Variants in PIK3AP1 observed in about 807,000 individuals in gnomAD.
PIK3AP1 encodes phosphoinositide-3-kinase adaptor protein 1.
PIK3AP1 carries 21 observed loss-of-function variants against 88.1 expected under a neutral mutation model. That is an observed-to-expected ratio of 0.24 (90% confidence interval 0.17 to 0.34). PIK3AP1 has a LOEUF of 0.34. PIK3AP1 is among the 10% of genes least tolerant of loss of function. The pLI, the probability that PIK3AP1 is intolerant of heterozygous loss-of-function variation, is 1.00. For synonymous variants in PIK3AP1, 398 were observed against 400.0 expected (o/e 1.00, Z 0.06); for missense variants, 828 against 1,035.7 (o/e 0.80, Z 2.75).
chr10:96,625,262 G>C (rs1564959763), intron 10 of PIK3AP1, among the ~76,000 whole-genome samples: 1 of 152,182 alleles, frequency 6.6e-6, no homozygotes, highest in Non-Finnish European at 1.5e-5. Flanking sequence ...TCCTATAAGA[G>C]GGCAGAGAAG....
intron 7 of PIK3AP1, among the ~76,000 whole-genome samples, chr10:96,646,590 G>A (rs1271043285): frequency 4.6e-5 from 7 of 152,142 alleles, no homozygotes; most frequent in Non-Finnish European, 7.3e-5. Flanking sequence ...CGCCCTGTGT[G>A]TAGTCAGAGG....
At chr10:96,696,471 A>G (rs1844223152) in intron 2 of PIK3AP1, among the ~76,000 whole-genome samples, 1 of 152,190 alleles carries the variant, frequency 6.6e-6, no homozygotes, top group African/African-American at 2.4e-5. Context: ...TAAGGCATTA[A>G]ATCATCCTCT....
chr10:96,610,575 T>TA (rs1849089913), intron 13 of PIK3AP1, among the ~76,000 whole-genome samples: 2 of 152,034 alleles, frequency 1.3e-5, no homozygotes, highest in Admixed American at 1.3e-4. Flanking sequence ...ACACACACAG[T>TA]AATGACCCCG....
chr10:96,609,683 A>T lies in PIK3AP1; in HGVS notation c.2170+29T>A, dbSNP rs1355174675. 2.5e-6 allele frequency: 4 copies of T among 1,605,136 alleles called. No individual in the cohort carries two copies. The South Asian group carries it at 3.3e-5, about 13-fold the overall frequency. On this transcript the variant is annotated intron_variant, in intron 14 of 16. Transcript: ENST00000339364. ...TGCCAGCTGGAGCCCAGTCAAGAAG[A>T]CCCCACCCCCGCACCCCCAGCTGCT...
chr10:96,667,743 C>T (rs962336529), intron 2 of PIK3AP1, among the ~76,000 whole-genome samples: 1 of 151,884 alleles, frequency 6.6e-6, no homozygotes, highest in Non-Finnish European at 1.5e-5. Context: ...AACACTGAAC[C>T]ACACATTAAG....
chr10:96,645,038 C>T (rs1160417079), intron 8 of PIK3AP1, among the ~76,000 whole-genome samples: 1 of 152,072 alleles, frequency 6.6e-6, no homozygotes, highest in Non-Finnish European at 1.5e-5. Flanking sequence ...TGAGTATGTC[C>T]TCTTCTTTAA....
intron 2 of PIK3AP1, among the ~76,000 whole-genome samples, chr10:96,702,966 T>A (rs1844318674): frequency 1.3e-5 from 2 of 152,076 alleles, no homozygotes; most frequent in Non-Finnish European, 2.9e-5. Flanking sequence ...AGCCTCAACT[T>A]CCAGGGCTCG....
intron 2 of PIK3AP1, among the ~76,000 whole-genome samples, chr10:96,692,699 G>A (rs1449967531): frequency 1.3e-5 from 2 of 152,154 alleles, no homozygotes; most frequent in Non-Finnish European, 2.9e-5. Flanking sequence ...AGTCCTTGTG[G>A]GGTTTTAGAA....
intron 8 of PIK3AP1, among the ~76,000 whole-genome samples, chr10:96,639,041 T>C (rs114471656): frequency 1.3e-5 from 2 of 152,338 alleles, no homozygotes; most frequent in African/African-American, 4.8e-5. Context: ...AATCTGGGCA[T>C]TTCTCAAGCC....
intron 15 of PIK3AP1, among the ~76,000 whole-genome samples, chr10:96,603,096 A>T (rs2902003): frequency 2.0e-5 from 3 of 151,756 alleles, no homozygotes; most frequent in Non-Finnish European, 4.4e-5. Flanking sequence ...ATGCCCCTTA[A>T]GGTTTCACTA....
rs1157883146 is a variant in PIK3AP1, at chr10:96,656,779, G to A, written c.567+19C>T. 1.9e-6 allele frequency: 3 copies of A among 1,612,422 alleles called. No homozygotes were observed. The highest frequency in any genetic ancestry group is 3.3e-5 in the Admixed American group (2 of 59,942). On this transcript the variant is annotated intron_variant, in intron 3 of 16. Transcript: ENST00000339364. The stretch of plus-strand genomic sequence containing the variant: ...CCCAAGTGCTGACATCCAGCTACCA[G>A]GCCCCCAGCAGTGCCTACCCCACAG...
At chr10:96,628,278 C>T in intron 9 of PIK3AP1, 120 bp downstream of exon 9, 1 of 867,726 alleles carries the variant, frequency 1.2e-6, no homozygotes, top group Non-Finnish European at 1.9e-6. Flanking sequence ...ATTCACATCA[C>T]ATGCCATGTA....
intron 3 of PIK3AP1, among the ~76,000 whole-genome samples, chr10:96,653,269 G>A (rs1177129727): frequency 6.6e-6 from 1 of 151,330 alleles, no homozygotes; most frequent in Admixed American, 6.6e-5. Flanking sequence ...GCCAGGAGTG[G>A]TGGTGGGTGC....
intron 13 of PIK3AP1, among the ~76,000 whole-genome samples, chr10:96,610,446 G>T (rs561283967): frequency 5.3e-4 from 81 of 152,128 alleles, no homozygotes; most frequent in African/African-American, 1.9e-3. Flanking sequence ...TTGGTAAGTG[G>T]CAGAGCTGGG....
chr10:96,636,675 G>A (rs1041919313), intron 8 of PIK3AP1, among the ~76,000 whole-genome samples: 2 of 152,206 alleles, frequency 1.3e-5, no homozygotes, highest in Non-Finnish European at 2.9e-5. Flanking sequence ...CTGCCGGTCT[G>A]AGGAGAAAGT....
intron 13 of PIK3AP1, among the ~76,000 whole-genome samples, chr10:96,611,024 G>A (rs551259999): frequency 1.3e-5 from 2 of 152,304 alleles, no homozygotes; most frequent in South Asian, 4.1e-4. Context: ...GTGGCAGGAA[G>A]TTCAGAGAGT....
intron 8 of PIK3AP1, among the ~76,000 whole-genome samples, chr10:96,628,873 CACATATATAT>C (rs1346538026): frequency 4.4e-5 from 1 of 22,560 alleles, no homozygotes; most frequent in African/African-American, 6.9e-5. Context: ...CACATATATA[CACATATATAT>C]ATATACATAT....
At position 96,609,794 on chromosome 10, in the gene PIK3AP1, A is replaced by T. The variant is rs776610021; in HGVS notation, c.2088T>A (p.Ser696Arg). The change falls in exon 14 of 17, where the codon AGT (serine) becomes AGA (arginine). Residue 696 changes from serine to arginine, a missense_variant. Physicochemically the swap from Ser to Arg is moderately radical, Grantham distance 110 (BLOSUM62 -1). Around this residue, in one of 3 missense-constraint regions of PIK3AP1, gnomAD observed 191 missense variants for 208.6 expected, o/e 0.92. Coordinates refer to ENST00000339364, the MANE Select transcript of PIK3AP1 (RefSeq NM_152309.3). ...PAKVEFGVYE[S>R]GPRKSVIPPR... The stretch of plus-strand genomic sequence containing the variant: ...GGGGAATGACACTTTTCCTGGGGCC[A>T]CTCTCATAGACTCCAAACTCCACTT... 6.2e-7 allele frequency: 1 copy of T among 1,613,968 alleles called. No homozygotes were observed. The highest frequency in any genetic ancestry group is 1.1e-5 in the South Asian group (1 of 91,066).
At chr10:96,672,994 G>A (rs573512100) in intron 2 of PIK3AP1, among the ~76,000 whole-genome samples, 9 of 152,310 alleles carry the variant, frequency 5.9e-5, no homozygotes, top group Admixed American at 6.5e-5. Flanking sequence ...TGAACTGACC[G>A]GCCCTAGTTC....
Sources: allele counts gnomAD v4.1 joint callset (sites outside exome capture counted in the v4.1 genomes callset), GRCh38; gene constraint gnomAD v4.1.1; regional missense constraint gnomAD v4.1.1; transcripts MANE v1.5; gene names NCBI Gene and HGNC (gene_info 2026-07-23, HGNC 2026-07-21).